The following FMO1 variants were observed in gnomAD, a reference collection of about 807,000 sequenced individuals.
FMO1 encodes the protein flavin containing dimethylaniline monoxygenase 1, also known as flavin-containing monooxygenase 1.
Under a neutral mutation model 45.4 loss-of-function variants are expected in FMO1, and 36 were observed. The observed-to-expected ratio is 0.79, with a 90% CI of 0.61 to 1.05. The LOEUF (loss-of-function observed/expected upper bound fraction) is 1.05, where lower values mean the gene tolerates loss of function less well. Among genes scored for constraint, FMO1 ranks in the 50% least tolerant of loss-of-function variants. The pLI is 0.00. For missense variants in FMO1, 615 were observed against 640.3 expected, an observed-to-expected ratio of 0.96 and a Z score of 0.43; for synonymous variants, 228 against 227.2, an observed-to-expected ratio of 1.00 and a Z score of -0.03.
At chr1:171,257,909 A>T (rs1660226600) in intron 1 of FMO1, 173 bp from the exon 2 acceptor site, 4 of 670,770 alleles carry the variant, frequency 6.0e-6, no homozygotes, top group Non-Finnish European at 1.0e-5. Flanking sequence ...GCACAGGGTT[A>T]ACCAGTGACC....
chr1:171,250,492 G>T (rs933857057), intron 1 of FMO1, among the ~76,000 whole-genome samples: 1 of 152,282 alleles, frequency 6.6e-6, no homozygotes, highest in East Asian at 1.9e-4. Flanking sequence ...CTCATGTTTT[G>T]ACCTCTCATG....
intron 4 of FMO1, 23 bp from the exon 5 acceptor site, chr1:171,278,706 G>T: frequency 1.3e-6 from 2 of 1,525,672 alleles, no homozygotes; most frequent in African/African-American, 1.4e-5. Context: ...TTCTCTGTGT[G>T]ACTTCTCTTT....
At chr1:171,255,528 A>G (rs1312778838) in intron 1 of FMO1, among the ~76,000 whole-genome samples, 2 of 152,188 alleles carry the variant, frequency 1.3e-5, no homozygotes, top group Non-Finnish European at 2.9e-5. Context: ...GCTTTCAGTC[A>G]GCAGTGGGTA....
At position 171,260,253 on chromosome 1, in the gene FMO1, G is replaced by A. The variant is rs984457021; in HGVS notation, c.132+2034G>A. On this transcript the variant is annotated intron_variant, in intron 2 of 8. Coordinates refer to ENST00000617670, the MANE Select transcript of FMO1 (RefSeq NM_001282693.2). The stretch of plus-strand genomic sequence containing the variant: ...AATAGGTAATGAGGAACAAAATTAA[G>A]GAGATTTCCTGGTTGTCGCGTTTGT... Among the ~76,000 whole-genome samples, 5 of 152,208 alleles carry A rather than the reference G, an allele frequency of 3.3e-5. No individual in the cohort carries two copies. The South Asian group carries it at 6.2e-4, about 19-fold the overall frequency.
chr1:171,285,687 C>T lies in FMO1; in HGVS notation c.*143C>T. 1 of 447,198 alleles carries T rather than the reference C, an allele frequency of 2.2e-6. No individual in the cohort carries two copies. Among genetic ancestry groups the T allele is most frequent in the Non-Finnish European group, 3.8e-6 (1 of 260,514 alleles). 27.7% of individuals were successfully genotyped at this position (447,198 alleles called of 1,614,324 possible). A position where few individuals can be genotyped will look rare whatever the true frequency, so the allele number is the denominator to read the frequency against. The stretch of plus-strand genomic sequence containing the variant: ...CTCGCTTCCCTGGCTGGCCCCAGGG[C>T]TACCACTGGTATTCCTGAGCCTCTC... On this transcript the variant is annotated 3_prime_UTR_variant, in exon 9 of 9. Coordinates refer to ENST00000617670, the MANE Select transcript of FMO1 (RefSeq NM_001282693.2).
At chr1:171,260,961 C>T (rs1461977497) in intron 2 of FMO1, among the ~76,000 whole-genome samples, 1 of 133,994 alleles carries the variant, frequency 7.5e-6, no homozygotes, top group Non-Finnish European at 1.6e-5. Flanking sequence ...TGCAATAGGA[C>T]ATCAAAAAGA....
intron 2 of FMO1, among the ~76,000 whole-genome samples, chr1:171,262,056 A>G (rs1571335242): frequency 6.6e-6 from 1 of 152,318 alleles, no homozygotes. Context: ...AAAAAGTGAT[A>G]CTTGAAACAA....
intron 1 of FMO1, among the ~76,000 whole-genome samples, chr1:171,255,631 C>A (rs1660113252): frequency 6.6e-6 from 1 of 152,190 alleles, no homozygotes; most frequent in Non-Finnish European, 1.5e-5. Flanking sequence ...CTTCTGGACA[C>A]CCTGGCAGGA....
At chr1:171,265,735 G>T (rs1558008858) in intron 2 of FMO1, among the ~76,000 whole-genome samples, 2 of 152,126 alleles carry the variant, frequency 1.3e-5, no homozygotes, top group South Asian at 2.1e-4. Flanking sequence ...ACTATTTAAG[G>T]TTTTTAATAT....
chr1:171,283,401 T>C (rs1661477442), intron 8 of FMO1, among the ~76,000 whole-genome samples, 185 bp downstream of exon 8: 1 of 151,738 alleles, frequency 6.6e-6, no homozygotes, highest in African/African-American at 2.4e-5. Context: ...AGAGCCTGTT[T>C]AAGAAGAGAG....
rs1297190287 is a variant in FMO1 at position 171,278,823 on chromosome 1, A to T, written c.579A>T (p.Gly193=). The part of the protein sequence containing the change: ...KDKRVLVIGM[G]NSGTDIAVEA... ...AGAGAGTCCTTGTGATTGGAATGGGAAATTCTGGCACAGACATTGCTGTGG... is the reference window on the plus strand; with the variant it reads ...AGAGAGTCCTTGTGATTGGAATGGGTAATTCTGGCACAGACATTGCTGTGG... The change falls in exon 5 of 9, where the codon GGA becomes GGT. Residue 193 remains glycine, a synonymous_variant. Transcript: ENST00000617670. The T allele has an allele frequency of 1.2e-6, 2 of 1,613,078 alleles. No homozygotes were observed. Among genetic ancestry groups the T allele is most frequent in the Non-Finnish European group, 1.7e-6 (2 of 1,179,292 alleles).
chr1:171,285,578 T>A lies in FMO1; in HGVS notation c.*34T>A, dbSNP rs772882551. 6 of 1,263,600 alleles carry A rather than the reference T, an allele frequency of 4.7e-6. No individual in the cohort carries two copies. The South Asian group carries it at 7.6e-5, about 16-fold the overall frequency. The allele number at this position is 1,263,600 out of a possible 1,614,324, so 78.3% of individuals were successfully genotyped here. On this transcript the variant is annotated 3_prime_UTR_variant, in exon 9 of 9. Transcript: ENST00000617670. Reference sequence around the variant, plus strand: ...TCTCCTAAATGGAAGATGCACAGAGTAGATTTACAATGCTCCAATTCCTCT... The same window carrying A: ...TCTCCTAAATGGAAGATGCACAGAGAAGATTTACAATGCTCCAATTCCTCT...
chr1:171,272,729 C>A (rs1055345365), intron 3 of FMO1, among the ~76,000 whole-genome samples: 9 of 152,210 alleles, frequency 5.9e-5, no homozygotes, highest in African/African-American at 2.2e-4. Flanking sequence ...TGACCAATTT[C>A]TCCCATTTGG....
chr1:171,264,924 G>A (rs528960777), intron 2 of FMO1, among the ~76,000 whole-genome samples: 40 of 150,992 alleles, frequency 2.6e-4, no homozygotes, highest in South Asian at 2.3e-3. Flanking sequence ...CAAAAGAAAT[G>A]CACAATCTCA....
chr1:171,268,296 T>C (rs953646209), intron 3 of FMO1, among the ~76,000 whole-genome samples: 4 of 152,118 alleles, frequency 2.6e-5, no homozygotes, highest in Admixed American at 6.6e-5. Context: ...ATGTTGGCCA[T>C]GCAGTCTCAA....
chr1:171,267,305 A>G (rs1015474071), intron 2 of FMO1, among the ~76,000 whole-genome samples: 5 of 152,226 alleles, frequency 3.3e-5, no homozygotes, highest in African/African-American at 1.2e-4. Flanking sequence ...TTAACTTTGG[A>G]TACAAGATCC....
rs967201028 is a variant in FMO1 at position 171,278,787 on chromosome 1, A to G, written c.543A>G (p.Ile181Met). The change falls in exon 5 of 9, where the codon ATA (isoleucine) becomes ATG (methionine). Residue 181 changes from isoleucine (I) to methionine (M), a missense_variant. Ile to Met is a conservative substitution (Grantham distance 10). Coordinates refer to ENST00000617670, the MANE Select transcript of FMO1 (RefSeq NM_001282693.2). Reference sequence around the variant, plus strand: ...GCCGGCAATATAAGCATCCAGATATATTTAAGGACAAGAGAGTCCTTGTGA... The same window carrying G: ...GCCGGCAATATAAGCATCCAGATATGTTTAAGGACAAGAGAGTCCTTGTGA... Reference protein sequence around the residue: ...FHSRQYKHPDIFKDKRVLVIG... With the variant: ...FHSRQYKHPDMFKDKRVLVIG... 6.2e-7 allele frequency: 1 copy of G among 1,612,408 alleles called. No homozygotes were observed. The highest frequency in any genetic ancestry group is 2.2e-5 in the East Asian group (1 of 44,872).
chr1:171,283,103 A>T, intron 7 of FMO1, 41 bp from the exon 8 acceptor site: 1 of 1,068,272 alleles, frequency 9.4e-7, no homozygotes, highest in Non-Finnish European at 1.4e-6. Flanking sequence ...AGCTAGACCT[A>T]AACTTAAGTT....
intron 1 of FMO1, among the ~76,000 whole-genome samples, chr1:171,254,727 G>A (rs1397496302): frequency 6.6e-6 from 1 of 152,120 alleles, no homozygotes. Context: ...TACTCTCAGT[G>A]CTCCCTAACT....
Sources: gnomAD v4.1 joint callset for allele counts (sites outside exome capture counted in the v4.1 genomes callset) on GRCh38, gnomAD v4.1.1 for gene constraint, MANE v1.5 for transcripts, NCBI Gene and HGNC (gene_info 2026-07-23, HGNC 2026-07-21) for gene names.